The following PTPRD variants were observed in gnomAD, a reference collection of about 807,000 sequenced individuals.
PTPRD encodes receptor-type tyrosine-protein phosphatase delta.
A neutral mutation model predicts 214.5 loss-of-function variants in PTPRD; 34 were observed. The ratio of observed to expected loss-of-function variants is 0.16; its 90% CI spans 0.12 to 0.21. The LOEUF (loss-of-function observed/expected upper bound fraction) is 0.21. Among genes scored for constraint, PTPRD ranks in the 10% least tolerant of loss-of-function variants. The pLI is 1.00. For missense variants in PTPRD, 2,545 were observed against 2,398.7 expected (o/e 1.06, Z -1.27); for synonymous variants, 1,128 against 845.7 (o/e 1.33, Z -5.79).
intron 10 of PTPRD, among the ~76,000 whole-genome samples, chr9:9,114,927 C>G (rs1361914562): frequency 6.6e-6 from 1 of 152,018 alleles, no homozygotes; most frequent in East Asian, 1.9e-4. Flanking sequence ...GTGCTGAGCT[C>G]AAGAATCAGT....
rs532833382 is a variant in PTPRD, at chr9:10,092,647, T to C, written c.-544-58857A>G. On this transcript the variant is annotated intron_variant, in intron 3 of 45. Transcript: ENST00000381196. Reference sequence around the variant, plus strand: ...TCAAAAAAGAGCCCAAATAGCCAAGTCAATCCTATGCAAAAAGAACAAACC... The same window carrying C: ...TCAAAAAAGAGCCCAAATAGCCAAGCCAATCCTATGCAAAAAGAACAAACC... Among the ~76,000 whole-genome samples, 108 of 151,518 alleles carry C rather than the reference T, an allele frequency of 7.1e-4. 2 individuals are homozygous for C. In the South Asian group the frequency reaches 0.022, roughly 31 times the overall value.
At chr9:10,352,209 T>C (rs758191882) in intron 2 of PTPRD, among the ~76,000 whole-genome samples, 2 of 152,036 alleles carry the variant, frequency 1.3e-5, no homozygotes, top group East Asian at 3.9e-4. Context: ...GAAATCACTG[T>C]ACTAAAATCA....
At chr9:8,646,857 G>A (rs2096705298) in intron 12 of PTPRD, among the ~76,000 whole-genome samples, 1 of 152,134 alleles carries the variant, frequency 6.6e-6, no homozygotes, top group African/African-American at 2.4e-5. Flanking sequence ...CATGAGCTTG[G>A]TAAAGGCTGT....
At chr9:8,824,332 G>A (rs2097134466) in intron 11 of PTPRD, among the ~76,000 whole-genome samples, 2 of 152,024 alleles carry the variant, frequency 1.3e-5, no homozygotes, top group African/African-American at 4.8e-5. Flanking sequence ...GGTTGCCCAG[G>A]GACAAAGATC....
At chr9:8,633,829 A>G (rs1355286597) in intron 13 of PTPRD, among the ~76,000 whole-genome samples, 2 of 152,084 alleles carry the variant, frequency 1.3e-5, no homozygotes, top group East Asian at 3.9e-4. Flanking sequence ...CACAGCACAT[A>G]TACGAATGTG....
intron 9 of PTPRD, among the ~76,000 whole-genome samples, chr9:9,381,363 T>A (rs943662473): frequency 7.2e-6 from 1 of 139,654 alleles, no homozygotes; most frequent in South Asian, 2.3e-4. Context: ...GTTATGCTTT[T>A]TTTTTTTATT....
chr9:9,075,242 A>G (rs2154414957), intron 10 of PTPRD, among the ~76,000 whole-genome samples: 1 of 152,242 alleles, frequency 6.6e-6, no homozygotes, highest in African/African-American at 2.4e-5. Context: ...AATAATTACA[A>G]CAGGGTAAAT....
intron 3 of PTPRD, among the ~76,000 whole-genome samples, chr9:10,320,468 T>C (rs1414591353): frequency 1.3e-5 from 2 of 152,096 alleles, no homozygotes; most frequent in Non-Finnish European, 2.9e-5. Context: ...TGCTTTGTCA[T>C]GTGCTTGGTA....
chr9:10,296,920 T>G lies in PTPRD; in HGVS notation c.-545+44043A>C, dbSNP rs1469043901. Among the ~76,000 whole-genome samples, 3 of 152,010 alleles carry G rather than the reference T, an allele frequency of 2.0e-5. No individual in the cohort carries two copies. In the East Asian group the frequency reaches 5.8e-4, roughly 29 times the overall value. On this transcript the variant is annotated intron_variant, in intron 3 of 45. Coordinates refer to ENST00000381196, the MANE Select transcript of PTPRD (RefSeq NM_002839.4). ...AATTCACTAGATTTATTGATTTTAT[T>G]TCTGTAATTAAGGTTACAATATTTC...
Position 9,812,386 on chromosome 9 carries a change from T to G in PTPRD, c.-367-45535A>C, listed in dbSNP as rs534523956. Among the ~76,000 whole-genome samples the G allele has an allele frequency of 5.3e-5, 8 of 151,740 alleles. No homozygotes were observed. The South Asian group carries it at 1.5e-3, about 28-fold the overall frequency. On this transcript the variant is annotated intron_variant, in intron 5 of 45. Coordinates refer to ENST00000381196, the MANE Select transcript of PTPRD (RefSeq NM_002839.4). The stretch of plus-strand genomic sequence containing the variant: ...AATCAAGAAATACAAAGTGACTTAG[T>G]GGATTTGAAAAAAAAAAAGTTGCAG...
chr9:10,541,032 C>T lies in PTPRD; in HGVS notation c.-600+71366G>A, dbSNP rs1260016282. Among the ~76,000 whole-genome samples the T allele has an allele frequency of 2.0e-5, 3 of 152,100 alleles. No homozygotes were observed. The East Asian group carries it at 5.8e-4, about 29-fold the overall frequency. On this transcript the variant is annotated intron_variant, in intron 2 of 45. Coordinates refer to ENST00000381196, the MANE Select transcript of PTPRD (RefSeq NM_002839.4). ...AAATTGAATCAAGTAAAAAAAGAAA[C>T]CATTAAACATTGATACGCACTACAC...
chr9:9,400,866 T>A (rs924422527), intron 8 of PTPRD, among the ~76,000 whole-genome samples: 4 of 152,076 alleles, frequency 2.6e-5, no homozygotes, highest in African/African-American at 9.7e-5. Flanking sequence ...TTTATTCAAA[T>A]AACCTTTAGA....
chr9:8,522,848 A>T (rs983297106), intron 19 of PTPRD, among the ~76,000 whole-genome samples: 1 of 152,164 alleles, frequency 6.6e-6, no homozygotes, highest in Non-Finnish European at 1.5e-5. Flanking sequence ...AAGATTTTTT[A>T]AAAATTATAA....
chr9:8,379,788 T>C (rs1011581668), intron 37 of PTPRD, among the ~76,000 whole-genome samples: 2 of 152,164 alleles, frequency 1.3e-5, no homozygotes, highest in Non-Finnish European at 2.9e-5. Context: ...TGAATACGAA[T>C]ACGGTTTTTT....
At chr9:8,770,902 A>G (rs7047860) in intron 11 of PTPRD, among the ~76,000 whole-genome samples, 8,857 of 152,218 alleles carry the variant, frequency 0.058, 656 homozygotes, top group African/African-American at 0.17. Flanking sequence ...TCTTTATGCC[A>G]GGCGTGGTGG....
At chr9:8,674,247 C>G (rs2097351991) in intron 12 of PTPRD, among the ~76,000 whole-genome samples, 1 of 151,964 alleles carries the variant, frequency 6.6e-6, no homozygotes, top group African/African-American at 2.4e-5. Context: ...ATCACAAAGT[C>G]AAGAGCTTGA....
At chr9:10,161,997 T>C (rs1321449404) in intron 3 of PTPRD, among the ~76,000 whole-genome samples, 1 of 151,586 alleles carries the variant, frequency 6.6e-6, no homozygotes, top group African/African-American at 2.4e-5. Flanking sequence ...TACAATGAAA[T>C]GTTTTACCCT....
chr9:10,497,012 A>T lies in PTPRD; in HGVS notation c.-600+115386T>A, dbSNP rs145296100. Among the ~76,000 whole-genome samples, 248 of 152,170 alleles carry T rather than the reference A, an allele frequency of 1.6e-3. 1 individual carries two copies. Among genetic ancestry groups the T allele is most frequent in the African/African-American group, 5.7e-3 (238 of 41,542 alleles). Reference sequence around the variant, plus strand: ...GTCCTTTGCACCAACATGGATGCAGATGGTGGCCATAATCCTAAGTGAATT... The same window carrying T: ...GTCCTTTGCACCAACATGGATGCAGTTGGTGGCCATAATCCTAAGTGAATT... On this transcript the variant is annotated intron_variant, in intron 2 of 45. Coordinates refer to ENST00000381196, the MANE Select transcript of PTPRD (RefSeq NM_002839.4).
chr9:9,084,635 G>C (rs939204489), intron 10 of PTPRD, among the ~76,000 whole-genome samples: 31 of 152,110 alleles, frequency 2.0e-4, no homozygotes, highest in African/African-American at 6.5e-4. Flanking sequence ...TGGGATCTGA[G>C]AGTGTTATTT....
Sources: gnomAD v4.1 joint callset for allele counts (sites outside exome capture counted in the v4.1 genomes callset) on GRCh38, gnomAD v4.1.1 for gene constraint, MANE v1.5 for transcripts, NCBI Gene and HGNC (gene_info 2026-07-23, HGNC 2026-07-21) for gene names.